SH3BGRL2: variants seen among roughly 807,000 people sequenced by gnomAD.
SH3BGRL2 encodes the protein SH3 domain-binding glutamic acid-rich-like protein 2.
A neutral mutation model predicts 14.8 loss-of-function variants in SH3BGRL2; 21 were observed. The ratio of observed to expected loss-of-function variants is 1.42; its 90% confidence interval spans 1.01 to 2.05. SH3BGRL2 has a LOEUF of 2.05. Among genes scored for constraint, SH3BGRL2 ranks in the 30% most tolerant of loss-of-function variants. The probability of loss-of-function intolerance (pLI) is 0.00; values close to 1 mark genes in which losing one functional copy is unlikely to be tolerated. For missense variants in SH3BGRL2, 147 were observed against 130.8 expected (o/e 1.12, Z -0.61); for synonymous variants, 50 against 47.8 (o/e 1.05, Z -0.19).
chr6:79,659,413 G>C (rs1434320356), intron 1 of SH3BGRL2, among the ~76,000 whole-genome samples: 1 of 152,100 alleles, frequency 6.6e-6, no homozygotes, highest in Admixed American at 6.5e-5. Context: ...CCCATTTCTT[G>C]TTTTTGTCAG....
chr6:79,627,142 C>T (rs917646013), upstream of SH3BGRL2, among the ~76,000 whole-genome samples: 1 of 152,142 alleles, frequency 6.6e-6, no homozygotes, highest in Non-Finnish European at 1.5e-5. Context: ...CCTCAACTTG[C>T]TCAAAGCTTC....
intron 1 of SH3BGRL2, among the ~76,000 whole-genome samples, chr6:79,662,900 C>A (rs1487401488): frequency 6.6e-6 from 1 of 152,076 alleles, no homozygotes; most frequent in Admixed American, 6.5e-5. Context: ...TTAATTTTAT[C>A]TTCAATCACT....
the SH3BGRL2 span, among the ~76,000 whole-genome samples, chr6:79,564,754 A>G: frequency 6.6e-6 from 1 of 152,188 alleles, no homozygotes; most frequent in South Asian, 2.1e-4. Flanking sequence ...TACATTATGT[A>G]TGAAGGGCTA....
At chr6:79,553,801 G>A in the SH3BGRL2 span, among the ~76,000 whole-genome samples, 2,052 of 151,966 alleles carry the variant, frequency 0.014, 49 homozygotes, top group African/African-American at 0.046. Flanking sequence ...GTGAAACCCC[G>A]TCTCTACAAA....
intron 2 of SH3BGRL2, among the ~76,000 whole-genome samples, chr6:79,693,453 C>A (rs551646183): frequency 1.3e-5 from 2 of 150,720 alleles, no homozygotes; most frequent in Non-Finnish European, 2.9e-5. Context: ...AAAGGGAATG[C>A]TTCCAGTTTT....
chr6:79,676,197 G>C (rs373778555), intron 2 of SH3BGRL2, among the ~76,000 whole-genome samples: 1 of 151,984 alleles, frequency 6.6e-6, no homozygotes, highest in East Asian at 1.9e-4. Flanking sequence ...ACTCTCTAGC[G>C]TGCAGATTTT....
At chr6:79,675,947 A>T (rs1472470760) in intron 2 of SH3BGRL2, among the ~76,000 whole-genome samples, 1 of 151,998 alleles carries the variant, frequency 6.6e-6, no homozygotes, top group African/African-American at 2.4e-5. Context: ...AAGAGGTGAG[A>T]CTAGGAAGCT....
At chr6:79,649,419 TATA>T (rs1302884145) in intron 1 of SH3BGRL2, among the ~76,000 whole-genome samples, 3 of 152,170 alleles carry the variant, frequency 2.0e-5, no homozygotes, top group Non-Finnish European at 4.4e-5. Context: ...TAAAATAAAA[TATA>T]ATAATAAATT....
chr6:79,659,163 T>G (rs1172762610), intron 1 of SH3BGRL2, among the ~76,000 whole-genome samples: 1 of 152,236 alleles, frequency 6.6e-6, no homozygotes, highest in Non-Finnish European at 1.5e-5. Flanking sequence ...TTTGTCAATT[T>G]TGGCTTTTGT....
At chr6:79,556,115 ATATT>A in the SH3BGRL2 span, among the ~76,000 whole-genome samples, 306 of 152,282 alleles carry the variant, frequency 2.0e-3, 1 homozygote, top group African/African-American at 6.8e-3. Flanking sequence ...ATAAAAGCAA[ATATT>A]TATCAAATTT....
chr6:79,693,436 A>G (rs1436380798), intron 2 of SH3BGRL2, among the ~76,000 whole-genome samples: 1 of 150,826 alleles, frequency 6.6e-6, no homozygotes, highest in African/African-American at 2.5e-5. Context: ...GTCTTGTGCC[A>G]GTTTTCAAAG....
the SH3BGRL2 span, chr6:79,573,754 G>A: frequency 1.8e-4 from 28 of 152,094 alleles, no homozygotes; most frequent in Non-Finnish European, 3.5e-4. Context: ...AAATTATATT[G>A]TATAACTATT....
chr6:79,541,831 T>C, the SH3BGRL2 span, among the ~76,000 whole-genome samples: 166 of 152,350 alleles, frequency 1.1e-3, 1 homozygote, highest in Admixed American at 6.3e-3. Flanking sequence ...ATAATTTTAT[T>C]CAAATAGGTT....
At chr6:79,637,285 A>G (rs1910597) in intron 1 of SH3BGRL2, among the ~76,000 whole-genome samples, 76,777 of 152,022 alleles carry the variant, frequency 0.51, 20,006 homozygotes, top group South Asian at 0.7. Context: ...CAAGGATATG[A>G]ACTCCTTTAT....
At chr6:79,621,939 A>G in the SH3BGRL2 span, among the ~76,000 whole-genome samples, 1 of 152,046 alleles carries the variant, frequency 6.6e-6, no homozygotes, top group Non-Finnish European at 1.5e-5. Flanking sequence ...AAGATGCCAT[A>G]TTTGAGGCTG....
chr6:79,662,402 T>C (rs1769570069), intron 1 of SH3BGRL2, among the ~76,000 whole-genome samples: 1 of 152,216 alleles, frequency 6.6e-6, no homozygotes, highest in Non-Finnish European at 1.5e-5. Context: ...CCTTCACTTA[T>C]GAAGCTTAGT....
the SH3BGRL2 span, among the ~76,000 whole-genome samples, chr6:79,611,326 A>G: frequency 6.6e-6 from 1 of 152,034 alleles, no homozygotes; most frequent in Non-Finnish European, 1.5e-5. Context: ...TATTTTTGTT[A>G]TTAATGACAG....
At chr6:79,634,861 A>G (rs141367063) in intron 1 of SH3BGRL2, among the ~76,000 whole-genome samples, 6 of 152,342 alleles carry the variant, frequency 3.9e-5, no homozygotes, top group African/African-American at 1.2e-4. Context: ...ATCATAAAAT[A>G]TGCATGTGAC....
intron 1 of SH3BGRL2, among the ~76,000 whole-genome samples, chr6:79,666,746 C>T (rs1232722338): frequency 6.6e-6 from 1 of 152,174 alleles, no homozygotes; most frequent in East Asian, 1.9e-4. Context: ...TCTATTTTCT[C>T]TCACTGTCTG....
Sources: allele counts gnomAD v4.1 joint callset (sites outside exome capture counted in the v4.1 genomes callset), GRCh38; gene constraint gnomAD v4.1.1; transcripts MANE v1.5; gene names NCBI Gene and HGNC (gene_info 2026-07-23, HGNC 2026-07-21).